ARHGAP5: variants seen among roughly 807,000 people sequenced by gnomAD.
ARHGAP5 encodes the protein rho GTPase-activating protein 5.
A neutral mutation model predicts 116.6 loss-of-function variants in ARHGAP5; 23 were observed. The observed-to-expected ratio is 0.20, with a 90% CI of 0.14 to 0.28. The LOEUF is 0.28. ARHGAP5 is among the 10% of genes least tolerant of loss of function. ARHGAP5 has a pLI of 1.00. For synonymous variants in ARHGAP5, 574 were observed against 602.0 expected (o/e 0.95, Z 0.68); for missense variants, 1,405 against 1,774.8 (o/e 0.79, Z 3.74).
intron 4 of ARHGAP5, among the ~76,000 whole-genome samples, chr14:32,147,736 A>C (rs1167321186): frequency 6.6e-6 from 1 of 152,230 alleles, no homozygotes; most frequent in Non-Finnish European, 1.5e-5. Context: ...ATGTAAAATA[A>C]AGATTTTATG....
At position 32,158,700 on chromosome 14, in the gene ARHGAP5, G is replaced by A. The variant is rs1467360453; in HGVS notation, c.*3752G>A. 6.6e-6 allele frequency: 1 copy of A among 151,916 alleles called. No homozygotes were observed. Among genetic ancestry groups the A allele is most frequent in the Non-Finnish European group, 1.5e-5 (1 of 67,854 alleles). 9.4% of individuals were successfully genotyped at this position (151,916 alleles called of 1,614,324 possible). A position where few individuals can be genotyped will look rare whatever the true frequency, so the allele number is the denominator to read the frequency against. On this transcript the variant is annotated 3_prime_UTR_variant, in exon 7 of 7. Transcript: ENST00000345122. ...TTTTACTGTATTAGAACTCTTGGAA[G>A]TTCTTAGCCTTTTCAGGTTATGAAA...
intron 2 of ARHGAP5, among the ~76,000 whole-genome samples, chr14:32,106,117 A>T (rs928179675): frequency 2.2e-4 from 34 of 152,202 alleles, no homozygotes; most frequent in African/African-American, 7.7e-4. Context: ...GAATGGGTAT[A>T]CTATTTTATT....
intron 1 of ARHGAP5, among the ~76,000 whole-genome samples, chr14:32,084,488 C>T (rs980749574): frequency 1.3e-5 from 2 of 152,056 alleles, no homozygotes; most frequent in African/African-American, 4.8e-5. Flanking sequence ...TCAGGATTAC[C>T]CAGCGGTTTG....
intron 2 of ARHGAP5, among the ~76,000 whole-genome samples, chr14:32,114,744 T>A (rs1222314385): frequency 6.6e-6 from 1 of 152,160 alleles, no homozygotes; most frequent in Non-Finnish European, 1.5e-5. Context: ...AGGATTTAAT[T>A]AAGTATTTAA....
intron 3 of ARHGAP5, among the ~76,000 whole-genome samples, chr14:32,134,515 A>G (rs935425742): frequency 1.3e-5 from 2 of 152,204 alleles, no homozygotes; most frequent in Non-Finnish European, 2.9e-5. Flanking sequence ...CACTTCACTT[A>G]GCTTAAGTGA....
At chr14:32,118,857 G>A (rs190220574) in intron 3 of ARHGAP5, among the ~76,000 whole-genome samples, 2 of 152,172 alleles carry the variant, frequency 1.3e-5, no homozygotes, top group Admixed American at 6.5e-5. Flanking sequence ...TTATAGATTA[G>A]TGTTTTGTAC....
chr14:32,122,591 C>G (rs1217503415), intron 3 of ARHGAP5, among the ~76,000 whole-genome samples: 1 of 152,128 alleles, frequency 6.6e-6, no homozygotes, highest in East Asian at 1.9e-4. Context: ...TTTGCCTAAT[C>G]CAAGGTCACA....
Position 32,152,421 on chromosome 14 carries a change from A to G in ARHGAP5, c.4076-2A>G. ...AGATTCTTCACTGTTTTAATTTTAC[A>G]GAAATCCCGGATAAAACAGAACGTC... is the stretch of plus-strand genomic sequence containing the variant. On this transcript the variant is annotated splice_acceptor_variant, in intron 5 of 6. Coordinates refer to ENST00000345122, the MANE Select transcript of ARHGAP5 (RefSeq NM_001030055.2). LOFTEE classifies it high-confidence loss of function. 1 of 1,581,060 alleles carries G rather than the reference A, an allele frequency of 6.3e-7. No individual in the cohort carries two copies. The highest frequency in any genetic ancestry group is 8.6e-7 in the Non-Finnish European group (1 of 1,162,796).
intron 2 of ARHGAP5, among the ~76,000 whole-genome samples, chr14:32,102,543 C>T (rs926338769): frequency 1.3e-5 from 2 of 152,208 alleles, no homozygotes; most frequent in African/African-American, 2.4e-5. Flanking sequence ...GAGCGAGACC[C>T]TGTCTCGAAA....
intron 2 of ARHGAP5, among the ~76,000 whole-genome samples, chr14:32,099,036 T>TG (rs1878668500): frequency 6.6e-6 from 1 of 152,202 alleles, no homozygotes; most frequent in African/African-American, 2.4e-5. Flanking sequence ...CAGCTGGAGT[T>TG]GGGAGGGAGA....
intron 3 of ARHGAP5, among the ~76,000 whole-genome samples, chr14:32,127,001 T>C (rs1320294442): frequency 7.1e-6 from 1 of 140,234 alleles, no homozygotes; most frequent in Non-Finnish European, 1.5e-5. Context: ...ATGATATCTT[T>C]TTTTTTTTTT....
chr14:32,137,177 C>T (rs1880847263), intron 3 of ARHGAP5, among the ~76,000 whole-genome samples: 1 of 150,764 alleles, frequency 6.6e-6, no homozygotes, highest in Admixed American at 6.7e-5. Flanking sequence ...GAAGATTTAT[C>T]ACTTTTTCCT....
intron 3 of ARHGAP5, among the ~76,000 whole-genome samples, chr14:32,128,328 G>T (rs917228351): frequency 1.3e-5 from 2 of 152,256 alleles, no homozygotes; most frequent in African/African-American, 4.8e-5. Flanking sequence ...GCCAAGGCAG[G>T]CGGCTGGGAG....
chr14:32,146,131 C>T lies in ARHGAP5; in HGVS notation c.3866-132C>T, dbSNP rs530488913. The stretch of plus-strand genomic sequence containing the variant: ...CTCCCTGTGTTGCCCAGGCTGGGCT[C>T]AAACTCCTGGGCCAAGCAGTTCTCC... On this transcript the variant is annotated intron_variant, in intron 3 of 6. Transcript: ENST00000345122. 1.0e-4 allele frequency: 61 copies of T among 587,494 alleles called. No homozygotes were observed. The African/African-American group carries it at 1.1e-3, about 10-fold the overall frequency. 36.4% of individuals were successfully genotyped at this position (587,494 alleles called of 1,614,324 possible). A position where few individuals can be genotyped will look rare whatever the true frequency, so the allele number is the denominator to read the frequency against.
intron 3 of ARHGAP5, among the ~76,000 whole-genome samples, chr14:32,144,305 G>A (rs769216092): frequency 6.6e-6 from 1 of 151,988 alleles, no homozygotes; most frequent in Admixed American, 6.6e-5. Flanking sequence ...AAGATTACAG[G>A]TGTGAGCTAC....
At chr14:32,088,249 T>C (rs1263255817) in intron 1 of ARHGAP5, among the ~76,000 whole-genome samples, 1 of 152,014 alleles carries the variant, frequency 6.6e-6, no homozygotes, top group African/African-American at 2.4e-5. Context: ...TAAAGAGTTA[T>C]ATTTCATTAT....
intron 2 of ARHGAP5, among the ~76,000 whole-genome samples, chr14:32,110,221 A>G (rs922675089): frequency 5.3e-5 from 8 of 151,976 alleles, no homozygotes; most frequent in Non-Finnish European, 1.0e-4. Context: ...AAAAAAAAAA[A>G]AAGATGATAC....
intron 3 of ARHGAP5, among the ~76,000 whole-genome samples, chr14:32,129,928 A>G (rs539417645): frequency 6.6e-6 from 1 of 152,266 alleles, no homozygotes; most frequent in South Asian, 2.1e-4. Context: ...TTCCAGGCAC[A>G]GTGGCTCACA....
At chr14:32,141,900 A>G (rs968669855) in intron 3 of ARHGAP5, among the ~76,000 whole-genome samples, 7 of 152,044 alleles carry the variant, frequency 4.6e-5, no homozygotes, top group African/African-American at 1.7e-4. Context: ...AATATACCTT[A>G]TATGTGACAG....
Sources: gnomAD v4.1 joint callset for allele counts (sites outside exome capture counted in the v4.1 genomes callset) on GRCh38, gnomAD v4.1.1 for gene constraint, MANE v1.5 for transcripts, NCBI Gene and HGNC (gene_info 2026-07-23, HGNC 2026-07-21) for gene names.